RPA2: variants seen among roughly 807,000 people sequenced by gnomAD.
RPA2 encodes the protein replication protein A2.
A neutral mutation model predicts 33.4 loss-of-function variants in RPA2; 22 were observed. That is an observed-to-expected ratio of 0.66 (90% CI 0.47 to 0.94). The LOEUF (loss-of-function observed/expected upper bound fraction) is 0.94, where lower values mean the gene tolerates loss of function less well. Ranked by LOEUF, RPA2 falls within the 40% of genes least tolerant of loss-of-function variation. The pLI is 0.00. For missense variants in RPA2, 279 were observed against 329.9 expected (o/e 0.85, Z 1.19); for synonymous variants, 109 against 114.9 (o/e 0.95, Z 0.33).
At chr1:27,894,780 C>T (rs1442260405) in intron 6 of RPA2, among the ~76,000 whole-genome samples, 1 of 152,176 alleles carries the variant, frequency 6.6e-6, no homozygotes, top group African/African-American at 2.4e-5. Flanking sequence ...GAAAAGGAGA[C>T]ACAGTCCCTA....
chr1:27,906,951 C>T lies in RPA2; in HGVS notation c.310G>A (p.Val104Ile), dbSNP rs746740719. The T allele has an allele frequency of 6.8e-6, 11 of 1,613,270 alleles. No individual in the cohort carries two copies. The highest frequency in any genetic ancestry group is 3.3e-4 in the Middle Eastern group (2 of 6,030). Residue 104 changes from valine (V) to isoleucine (I), a missense_variant, in exon 4 of 9, where the codon GTT becomes ATT. By Grantham distance (29) the Val-to-Ile change is conservative (BLOSUM62 3). Around this residue, in one of 2 missense-constraint regions of RPA2, gnomAD observed 274 missense variants for 310.3 expected, o/e 0.88. Transcript: ENST00000373912. Reference sequence around the variant, plus strand: ...ACATCTGTGTCAACCCACTGGCGAACGTCCATGGGTGCAGCTGTCATGTCA... The same window carrying T: ...ACATCTGTGTCAACCCACTGGCGAATGTCCATGGGTGCAGCTGTCATGTCA... The part of the protein sequence containing the change: ...IDDMTAAPMD[V>I]RQWVDTDDTS...
At chr1:27,899,513 G>GAAAAAAAAAA (rs67126026) in intron 4 of RPA2, among the ~76,000 whole-genome samples, 1 of 107,554 alleles carries the variant, frequency 9.3e-6, no homozygotes, top group Non-Finnish European at 1.8e-5. Context: ...AAAAAAAAAA[G>GAAAAAAAAAA]AAAAAAAAAA....
At chr1:27,914,327 C>T (rs1429424638) in intron 1 of RPA2, 107 bp downstream of exon 1, 1 of 1,613,068 alleles carries the variant, frequency 6.2e-7, no homozygotes, top group Non-Finnish European at 8.5e-7. Flanking sequence ...AGCTCCGCTC[C>T]CGCCCTTCCT....
rs578153085 is a variant in RPA2 at position 27,892,642 on chromosome 1, G to A, written c.729-395C>T. 6.8e-4 allele frequency among the ~76,000 whole-genome samples: 104 copies of A among 152,276 alleles called. No homozygotes were observed. The South Asian group carries it at 0.015, about 22-fold the overall frequency. On this transcript the variant is annotated intron_variant, in intron 8 of 8. Transcript: ENST00000373912. ...TCCAGCCACACACTGAAACCCCGTT[G>A]GTCCCTCTCAGGGAAGTAAAGTTGT... is the stretch of plus-strand genomic sequence containing the variant.
chr1:27,902,261 AT>A (rs1257721528), intron 4 of RPA2, among the ~76,000 whole-genome samples: 1 of 147,348 alleles, frequency 6.8e-6, no homozygotes, highest in Non-Finnish European at 1.5e-5. Flanking sequence ...TAATTTTTTA[AT>A]TTTTTTTATT....
At chr1:27,913,062 C>T (rs900737139) in intron 2 of RPA2, among the ~76,000 whole-genome samples, 1 of 152,070 alleles carries the variant, frequency 6.6e-6, no homozygotes, top group Admixed American at 6.5e-5. Flanking sequence ...AAGCGATTCC[C>T]CTGCTTCAGC....
rs2089864494 is a variant in RPA2 at position 27,894,386 on chromosome 1, C to G, written c.537G>C (p.Gly179=). 3.1e-6 allele frequency: 5 copies of G among 1,613,390 alleles called. No homozygotes were observed. Among genetic ancestry groups the G allele is most frequent in the Non-Finnish European group, 4.2e-6 (5 of 1,179,848 alleles). ...TTCCTGGATTGCTGATAGGTGCTCT[C>G]CCTGCTGAGGGCTGAATTAAGAAAT... ...LSKANSQPSA[G]RAPISNPGMS... Residue 179 remains glycine, a synonymous_variant, in exon 7 of 9, where the codon GGG becomes GGC. Transcript: ENST00000373912.
rs752479657 is a variant in RPA2, at chr1:27,907,272, G to T, written c.128C>A (p.Ala43Asp). ...TATAGTACAGGGCACAATGTGCTGG[G>T]CTCGGGCTCTCTGAAAAGAAAAAAC... is the stretch of plus-strand genomic sequence containing the variant. ...SQAEKKSRAR[A>D]QHIVPCTISQ... Residue 43 changes from alanine (A) to aspartate (D), a missense_variant, in exon 3 of 9, where the codon GCC becomes GAC. Around this residue, in one of 2 missense-constraint regions of RPA2, gnomAD observed 274 missense variants for 310.3 expected, o/e 0.88. Transcript: ENST00000373912. The T allele has an allele frequency of 6.3e-7, 1 of 1,598,058 alleles. No individual in the cohort carries two copies. Among genetic ancestry groups the T allele is most frequent in the Admixed American group, 1.8e-5 (1 of 54,662 alleles).
At chr1:27,907,407 C>T in intron 2 of RPA2, 125 bp from the exon 3 acceptor site, 2 of 803,120 alleles carry the variant, frequency 2.5e-6, no homozygotes, top group African/African-American at 3.5e-5. Context: ...TCTCATTATC[C>T]TTGCTTCAGA....
At chr1:27,893,468 G>A (rs369380653) in intron 8 of RPA2, among the ~76,000 whole-genome samples, 3 of 152,180 alleles carry the variant, frequency 2.0e-5, no homozygotes, top group South Asian at 2.1e-4. Context: ...ACTGTGCCCG[G>A]CTAATTTGTT....
intron 4 of RPA2, among the ~76,000 whole-genome samples, chr1:27,899,579 ACTTGAGAAAAGATCTCTAC>A (rs1312054391): frequency 6.6e-6 from 1 of 151,624 alleles, no homozygotes; most frequent in African/African-American, 2.4e-5. Context: ...TTTTGAATCC[ACTTGAGAAAAGATCTCTAC>A]CTCAACTCCT....
At chr1:27,904,454 G>C (rs2090003811) in intron 4 of RPA2, among the ~76,000 whole-genome samples, 1 of 152,090 alleles carries the variant, frequency 6.6e-6, no homozygotes, top group African/African-American at 2.4e-5. Flanking sequence ...CTACCTCCCT[G>C]CTTGATGGCA....
intron 4 of RPA2, among the ~76,000 whole-genome samples, chr1:27,901,695 A>C (rs1257194878): frequency 6.6e-6 from 1 of 151,904 alleles, no homozygotes; most frequent in African/African-American, 2.4e-5. Flanking sequence ...ACAAACAAAC[A>C]AAAAAAACAA....
Position 27,897,650 on chromosome 1 carries a change from G to A in RPA2, c.391C>T (p.His131Tyr). 1 of 1,601,320 alleles carries A rather than the reference G, an allele frequency of 6.2e-7. No homozygotes were observed. Among genetic ancestry groups the A allele is most frequent in the Non-Finnish European group, 8.5e-7 (1 of 1,174,032 alleles). ...GACTTTACCTGAAAAGATCTCAGGT[G>A]GCCTGCCACTTTCACATATGTTTCT... Reference protein sequence around the residue: ...PPETYVKVAGHLRSFQNKKSL... With the variant: ...PPETYVKVAGYLRSFQNKKSL... Residue 131 changes from histidine to tyrosine, a missense_variant, in exon 5 of 9, where the codon CAC becomes TAC. Physicochemically the swap from His to Tyr is moderately conservative, Grantham distance 83 (BLOSUM62 2). This residue lies in a region of RPA2 where 274 missense variants were observed against 310.3 expected (regional missense o/e 0.88). Transcript: ENST00000373912.
intron 4 of RPA2, among the ~76,000 whole-genome samples, chr1:27,906,059 C>T (rs1283680996): frequency 2.6e-5 from 4 of 152,206 alleles, no homozygotes; most frequent in African/African-American, 4.8e-5. Context: ...AAGGCTACAG[C>T]GGTGACCAAG....
At chr1:27,903,652 G>C (rs2089993820) in intron 4 of RPA2, among the ~76,000 whole-genome samples, 1 of 151,054 alleles carries the variant, frequency 6.6e-6, no homozygotes, top group African/African-American at 2.4e-5. Flanking sequence ...CCGAGAAGCA[G>C]AGGTTGCAGC....
chr1:27,893,202 G>A (rs28904903), intron 8 of RPA2, among the ~76,000 whole-genome samples: 2,034 of 152,288 alleles, frequency 0.013, 59 homozygotes, highest in African/African-American at 0.046. Flanking sequence ...GTGGTCCTTA[G>A]TGCTTGCTGA....
chr1:27,906,780 C>T (rs1160623193), intron 4 of RPA2, 148 bp downstream of exon 4: 1 of 587,164 alleles, frequency 1.7e-6, no homozygotes, highest in Non-Finnish European at 3.0e-6. Flanking sequence ...GGTATATAGT[C>T]AAATCTACTA....
chr1:27,913,950 T>C, intron 2 of RPA2, 113 bp downstream of exon 2: 1 of 1,013,712 alleles, frequency 9.9e-7, no homozygotes, highest in Non-Finnish European at 1.4e-6. Context: ...TAATAGATCA[T>C]TATCGCATCA....
Sources: gnomAD v4.1 joint callset for allele counts (sites outside exome capture counted in the v4.1 genomes callset) on GRCh38, gnomAD v4.1.1 for gene constraint, gnomAD v4.1.1 regional missense constraint, MANE v1.5 for transcripts, NCBI Gene and HGNC (gene_info 2026-07-23, HGNC 2026-07-21) for gene names.